Variants in ZNF507 observed in about 807,000 individuals in gnomAD.
ZNF507 encodes zinc finger protein 507.
ZNF507 carries 29 observed loss-of-function variants against 80.0 expected under a neutral mutation model. The ratio of observed to expected loss-of-function variants is 0.36; its 90% CI spans 0.27 to 0.49. ZNF507 has a LOEUF of 0.49. ZNF507 is among the 20% of genes least tolerant of loss of function. The pLI is 0.98. For synonymous variants in ZNF507, 462 were observed against 422.5 expected (o/e 1.09, Z -1.15); for missense variants, 1,081 against 1,152.2 (o/e 0.94, Z 0.90).
At chr19:32,360,481 A>G in intron 4 of ZNF507, 23 bp from the exon 5 acceptor site, 1 of 1,409,722 alleles carries the variant, frequency 7.1e-7, no homozygotes, top group Non-Finnish European at 9.6e-7. Context: ...CCTGCTACTA[A>G]AACTCTGAAA....
rs1222668029 is a variant in ZNF507, at chr19:32,354,681, C to T, written c.1851C>T (p.Cys617=). The change falls in exon 3 of 7, where the codon TGC becomes TGT. Residue 617 remains cysteine, a synonymous_variant. Coordinates refer to ENST00000355898, the MANE Select transcript of ZNF507 (RefSeq NM_001136156.2). The stretch of plus-strand genomic sequence containing the variant: ...AAGAGTTGCAGGACAACGCCCAGTG[C>T]CAACCCAACAGCGATACAAGTTTGT... ...ILKELQDNAQ[C]QPNSDTSLSG... is the part of the protein sequence containing the mutation. The T allele has an allele frequency of 8.7e-6, 14 of 1,614,152 alleles. No individual in the cohort carries two copies. Among genetic ancestry groups the T allele is most frequent in the Non-Finnish European group, 1.2e-5 (14 of 1,180,034 alleles).
chr19:32,346,494 C>G (rs1217889578), intron 1 of ZNF507, among the ~76,000 whole-genome samples: 3 of 152,208 alleles, frequency 2.0e-5, no homozygotes, highest in Non-Finnish European at 4.4e-5. Flanking sequence ...TTTATCACCT[C>G]TTTGAGTTTG....
chr19:32,378,149 T>TA (rs147262455), intron 5 of ZNF507, among the ~76,000 whole-genome samples: 1,796 of 152,076 alleles, frequency 0.012, 41 homozygotes, highest in African/African-American at 0.039. Context: ...GGTCAGGAGT[T>TA]AGAAACCAGC....
At chr19:32,359,481 C>T (rs1365275988) in intron 4 of ZNF507, 1 of 152,208 alleles carries the variant, frequency 6.6e-6, no homozygotes, top group Non-Finnish European at 1.5e-5. Flanking sequence ...AGCTTCCATG[C>T]TTGCTTTGTT....
At chr19:32,350,030 A>G (rs908546193) in intron 2 of ZNF507, among the ~76,000 whole-genome samples, 5 of 152,166 alleles carry the variant, frequency 3.3e-5, no homozygotes, top group Non-Finnish European at 7.3e-5. Flanking sequence ...CATTGTATGT[A>G]TACTCCTTAT....
intron 5 of ZNF507, among the ~76,000 whole-genome samples, chr19:32,374,188 A>ACACACACACACTCT (rs57164942): frequency 6.2e-5 from 9 of 145,724 alleles, no homozygotes; most frequent in African/African-American, 2.3e-4. Context: ...ACACACACAC[A>ACACACACACACTCT]CTCTCTCTCT....
intron 5 of ZNF507, among the ~76,000 whole-genome samples, chr19:32,368,212 G>A (rs1244201391): frequency 6.6e-6 from 1 of 152,180 alleles, no homozygotes; most frequent in Non-Finnish European, 1.5e-5. Context: ...GGGATTCTGT[G>A]GGTCGGTCAG....
rs1967108886 is a variant in ZNF507, at chr19:32,347,274, G to C, written c.-67G>C. On this transcript the variant is annotated 5_prime_UTR_variant, in exon 2 of 7. Transcript: ENST00000355898. Reference sequence around the variant, plus strand: ...ATTTTGAAGATTGATCCAAGGGACTGTATTAATTTCAGGAATTGATTTGAA... The same window carrying C: ...ATTTTGAAGATTGATCCAAGGGACTCTATTAATTTCAGGAATTGATTTGAA... The C allele has an allele frequency of 6.5e-6, 1 of 152,692 alleles. No individual in the cohort carries two copies. The highest frequency in any genetic ancestry group is 2.1e-4 in the South Asian group (1 of 4,832). 9.5% of individuals were successfully genotyped at this position (152,692 alleles called of 1,614,324 possible). A position where few individuals can be genotyped will look rare whatever the true frequency, so the allele number is the denominator to read the frequency against.
Position 32,386,233 on chromosome 19 carries a change from G to A in ZNF507, c.*3150G>A, listed in dbSNP as rs1967687808. 6.6e-6 allele frequency: 1 copy of A among 152,550 alleles called. No individual in the cohort carries two copies. Among genetic ancestry groups the A allele is most frequent in the Non-Finnish European group, 1.5e-5 (1 of 68,040 alleles). 9.4% of individuals were successfully genotyped at this position (152,550 alleles called of 1,614,324 possible). A position where few individuals can be genotyped will look rare whatever the true frequency, so the allele number is the denominator to read the frequency against. On this transcript the variant is annotated 3_prime_UTR_variant, in exon 7 of 7. Coordinates refer to ENST00000355898, the MANE Select transcript of ZNF507 (RefSeq NM_001136156.2). The stretch of plus-strand genomic sequence containing the variant: ...TTCCTATTGAAGGTGGCTGCTGGTG[G>A]CTTCATAATTTTCTGTTTTTTTTCT...
rs758919733 is a variant in ZNF507, at chr19:32,353,870, A to G, written c.1040A>G (p.His347Arg). 5.5e-5 allele frequency: 89 copies of G among 1,614,058 alleles called. No individual in the cohort carries two copies. Among genetic ancestry groups the G allele is most frequent in the Non-Finnish European group, 7.3e-5 (86 of 1,180,040 alleles). ...GAACAGAGTGCAGAAAGAGGAGTAC[A>G]CCTAAGTCAGTCAGTTACCCTGGAC... is the stretch of plus-strand genomic sequence containing the variant. The part of the protein sequence containing the change: ...PLEQSAERGV[H>R]LSQSVTLDPN... The change falls in exon 3 of 7, where the codon CAC (histidine) becomes CGC (arginine). Residue 347 changes from histidine to arginine, a missense_variant. By Grantham distance (29) the His-to-Arg change is conservative (BLOSUM62 0). This residue lies in a region of ZNF507 where 614 missense variants were observed against 583.9 expected (regional missense o/e 1.05). Transcript: ENST00000355898.
intron 2 of ZNF507, among the ~76,000 whole-genome samples, chr19:32,351,419 C>CTGTGTGTGTG (rs5823): frequency 0.069 from 3,632 of 52,768 alleles, 279 homozygotes; most frequent in Non-Finnish European, 0.076. Flanking sequence ...AGCTGGTCAG[C>CTGTGTGTGTG]TGTGTGTGTG....
At chr19:32,362,615 A>G (rs993616164) in intron 5 of ZNF507, among the ~76,000 whole-genome samples, 2 of 152,224 alleles carry the variant, frequency 1.3e-5, no homozygotes, top group Non-Finnish European at 2.9e-5. Context: ...TTATTAGATC[A>G]GTCTTGCAGC....
chr19:32,371,012 C>G lies in ZNF507; in HGVS notation c.2360+10394C>G, dbSNP rs528091361. 9.1e-4 allele frequency among the ~76,000 whole-genome samples: 139 copies of G among 152,266 alleles called. 1 individual carries two copies. Among genetic ancestry groups the G allele is most frequent in the Non-Finnish European group, 1.7e-3 (119 of 68,020 alleles). On this transcript the variant is annotated intron_variant, in intron 5 of 6. Coordinates refer to ENST00000355898, the MANE Select transcript of ZNF507 (RefSeq NM_001136156.2). ...CTTTCTCCATTATGTCCTCTTGGTGCCCTTGTCAAATATTCATTGACTGTG... is the reference window on the plus strand; with the variant it reads ...CTTTCTCCATTATGTCCTCTTGGTGGCCTTGTCAAATATTCATTGACTGTG...
At chr19:32,364,232 C>G (rs765732669) in intron 5 of ZNF507, among the ~76,000 whole-genome samples, 31 of 152,334 alleles carry the variant, frequency 2.0e-4, no homozygotes, top group Non-Finnish European at 4.0e-4. Flanking sequence ...TGACATCATT[C>G]TATCCCAGTG....
At chr19:32,359,600 A>G (rs1967294635) in intron 4 of ZNF507, 1 of 152,016 alleles carries the variant, frequency 6.6e-6, no homozygotes, top group Admixed American at 6.6e-5. Flanking sequence ...AAGTCACTCA[A>G]CTCGTGTTGA....
intron 5 of ZNF507, among the ~76,000 whole-genome samples, chr19:32,368,374 G>T (rs1967427152): frequency 6.6e-6 from 1 of 152,310 alleles, no homozygotes; most frequent in Middle Eastern, 3.4e-3. Flanking sequence ...CTGGCTGTTG[G>T]TTGGGCATCA....
rs191939360 is a variant in ZNF507, at chr19:32,363,170, G to A, written c.2360+2552G>A. ...TCTGCTTCATTCAGTTTCGTTGCCT[G>A]GTGCACTTATGGTCAGAGTTTGGGC... On this transcript the variant is annotated intron_variant, in intron 5 of 6. Coordinates refer to ENST00000355898, the MANE Select transcript of ZNF507 (RefSeq NM_001136156.2). Among the ~76,000 whole-genome samples, 12 of 152,242 alleles carry A rather than the reference G, an allele frequency of 7.9e-5. No individual in the cohort carries two copies. In the East Asian group the frequency reaches 2.1e-3, roughly 27 times the overall value.
In ZNF507 at chr19:32,354,820, C is replaced by G; in HGVS notation, c.1990C>G (p.Arg664Gly). The change falls in exon 3 of 7, where the codon CGA (arginine) becomes GGA (glycine). Residue 664 changes from arginine to glycine, a missense_variant. Physicochemically the swap from Arg to Gly is moderately radical, Grantham distance 125. Coordinates refer to ENST00000355898, the MANE Select transcript of ZNF507 (RefSeq NM_001136156.2). ...GYIKQHLRVH[R>G]QRQPYQCPIC... ...CATCAAGCAGCACTTACGAGTCCAT[C>G]GACAGAGACAGCCTTATCAGTGTCC... The G allele has an allele frequency of 6.2e-7, 1 of 1,614,160 alleles. No homozygotes were observed. Among genetic ancestry groups the G allele is most frequent in the Non-Finnish European group, 8.5e-7 (1 of 1,180,032 alleles).
At position 32,383,160 on chromosome 19, in the gene ZNF507, A is replaced by G. The variant is rs1599561966; in HGVS notation, c.*77A>G. The G allele has an allele frequency of 1.3e-5, 19 of 1,504,936 alleles. No homozygotes were observed. Among genetic ancestry groups the G allele is most frequent in the Non-Finnish European group, 1.7e-5 (19 of 1,122,638 alleles). 93.2% of individuals were successfully genotyped at this position (1,504,936 alleles called of 1,614,324 possible). Reference sequence around the variant, plus strand: ...AGTTTCACCTTTACGCTGTCAGACAACTTCCTGCCACAGAAGAAGTCGTTG... The same window carrying G: ...AGTTTCACCTTTACGCTGTCAGACAGCTTCCTGCCACAGAAGAAGTCGTTG... On this transcript the variant is annotated 3_prime_UTR_variant, in exon 7 of 7. Coordinates refer to ENST00000355898, the MANE Select transcript of ZNF507 (RefSeq NM_001136156.2).
Sources: allele counts gnomAD v4.1 joint callset (sites outside exome capture counted in the v4.1 genomes callset), GRCh38; gene constraint gnomAD v4.1.1; regional missense constraint gnomAD v4.1.1; transcripts MANE v1.5; gene names NCBI Gene and HGNC (gene_info 2026-07-23, HGNC 2026-07-21).